GABRB2: variants seen among roughly 807,000 people sequenced by gnomAD.
GABRB2 encodes the protein gamma-aminobutyric acid type A receptor subunit beta2, also known as gamma-aminobutyric acid receptor subunit beta-2.
GABRB2 carries 16 observed loss-of-function variants against 54.7 expected under a neutral mutation model. The observed-to-expected ratio is 0.29, with a 90% CI of 0.20 to 0.44. The LOEUF (loss-of-function observed/expected upper bound fraction) is 0.44, where lower values mean the gene tolerates loss of function less well. GABRB2 is among the 20% of genes least tolerant of loss of function. The pLI, the probability that GABRB2 is intolerant of heterozygous loss-of-function variation, is 1.00. For synonymous variants in GABRB2, 244 were observed against 233.8 expected, an observed-to-expected ratio of 1.04 and a Z score of -0.40; for missense variants, 355 against 644.0, an observed-to-expected ratio of 0.55 and a Z score of 4.86.
intron 3 of GABRB2, among the ~76,000 whole-genome samples, chr5:161,480,963 T>A (rs529620753): frequency 6.6e-6 from 1 of 152,124 alleles, no homozygotes; most frequent in African/African-American, 2.4e-5. Flanking sequence ...GGATTTTAAA[T>A]CAACAGTAAG....
chr5:161,307,644 G>T (rs1757727072), intron 9 of GABRB2, among the ~76,000 whole-genome samples: 1 of 152,034 alleles, frequency 6.6e-6, no homozygotes, highest in Non-Finnish European at 1.5e-5. Context: ...TATTTGTAGG[G>T]ATGTTTTAAG....
intron 4 of GABRB2, among the ~76,000 whole-genome samples, chr5:161,433,765 T>G (rs1418300802): frequency 6.6e-6 from 1 of 152,206 alleles, no homozygotes; most frequent in African/African-American, 2.4e-5. Flanking sequence ...ACATTATTAA[T>G]TTATTTACAG....
At chr5:161,519,237 A>G (rs1760042032) in intron 3 of GABRB2, among the ~76,000 whole-genome samples, 1 of 152,206 alleles carries the variant, frequency 6.6e-6, no homozygotes, top group Non-Finnish European at 1.5e-5. Context: ...GTGAATAGAA[A>G]TTGATCCATG....
intron 3 of GABRB2, among the ~76,000 whole-genome samples, chr5:161,468,565 T>C (rs148500882): frequency 1.2e-3 from 185 of 152,170 alleles, no homozygotes; most frequent in African/African-American, 4.3e-3. Flanking sequence ...CCCTCATTTT[T>C]ATAATGTTCA....
At chr5:161,400,132 G>T (rs1354993081) in intron 5 of GABRB2, among the ~76,000 whole-genome samples, 1 of 152,160 alleles carries the variant, frequency 6.6e-6, no homozygotes, top group Non-Finnish European at 1.5e-5. Context: ...AAGTCAGTCT[G>T]TGTTGCAGTT....
chr5:161,367,524 C>G (rs565916968), intron 5 of GABRB2, among the ~76,000 whole-genome samples: 4 of 152,244 alleles, frequency 2.6e-5, no homozygotes, highest in African/African-American at 9.6e-5. Context: ...AAAGCAGAGA[C>G]TAAGAATTAT....
intron 5 of GABRB2, among the ~76,000 whole-genome samples, chr5:161,396,258 G>C (rs748646625): frequency 1.3e-5 from 2 of 152,168 alleles, no homozygotes; most frequent in African/African-American, 2.4e-5. Context: ...CCAGGGAGGA[G>C]TTAGATCACA....
intron 3 of GABRB2, among the ~76,000 whole-genome samples, chr5:161,514,972 C>T (rs868041549): frequency 2.6e-5 from 4 of 152,234 alleles, no homozygotes; most frequent in South Asian, 2.1e-4. Context: ...AGAACATGCT[C>T]ATTAGGGAGT....
At chr5:161,507,918 G>A (rs1248467475) in intron 3 of GABRB2, among the ~76,000 whole-genome samples, 2 of 151,760 alleles carry the variant, frequency 1.3e-5, no homozygotes, top group East Asian at 3.9e-4. Context: ...AAAATGAAGG[G>A]ACCATTTTGA....
At chr5:161,533,989 A>G (rs537771170) in intron 3 of GABRB2, among the ~76,000 whole-genome samples, 19 of 152,232 alleles carry the variant, frequency 1.2e-4, no homozygotes, top group Non-Finnish European at 2.5e-4. Context: ...GATAATATTT[A>G]TCTTTGATGT....
At chr5:161,515,130 C>A (rs550885728) in intron 3 of GABRB2, among the ~76,000 whole-genome samples, 22 of 152,120 alleles carry the variant, frequency 1.4e-4, no homozygotes, top group African/African-American at 4.3e-4. Context: ...GCAAAATAAA[C>A]CCTGTTTCTA....
intron 3 of GABRB2, among the ~76,000 whole-genome samples, chr5:161,497,430 A>C (rs1759285620): frequency 6.6e-6 from 1 of 152,000 alleles, no homozygotes; most frequent in Admixed American, 6.6e-5. Flanking sequence ...CATAGCTGGA[A>C]ACTAATCTGA....
intron 5 of GABRB2, among the ~76,000 whole-genome samples, chr5:161,361,665 T>C (rs1389943696): frequency 6.6e-6 from 1 of 152,172 alleles, no homozygotes; most frequent in Non-Finnish European, 1.5e-5. Flanking sequence ...GGGATTTAAA[T>C]TCAGGTCCAT....
chr5:161,471,720 C>G (rs1480824065), intron 3 of GABRB2, among the ~76,000 whole-genome samples: 1 of 151,944 alleles, frequency 6.6e-6, no homozygotes, highest in Non-Finnish European at 1.5e-5. Flanking sequence ...TGACCCTTAT[C>G]TTAATATGTA....
intron 5 of GABRB2, among the ~76,000 whole-genome samples, chr5:161,351,579 C>T (rs2113435517): frequency 6.6e-6 from 1 of 152,104 alleles, no homozygotes; most frequent in African/African-American, 2.4e-5. Flanking sequence ...AATGTAAGAC[C>T]TAAAAATGTA....
chr5:161,496,778 T>C (rs1759261578), intron 3 of GABRB2, among the ~76,000 whole-genome samples: 2 of 152,146 alleles, frequency 1.3e-5, no homozygotes, highest in Admixed American at 6.6e-5. Flanking sequence ...TACTGGATAA[T>C]GTGATATTTT....
rs1055521732 is a variant in GABRB2, at chr5:161,289,749, CAG to C, written c.*4330_*4331del. The C allele has an allele frequency of 5.9e-5, 9 of 151,418 alleles. No homozygotes were observed. The highest frequency in any genetic ancestry group is 1.9e-4 in the African/African-American group (8 of 41,134). The allele number at this position is 151,418 out of a possible 1,614,324, so 9.4% of individuals were successfully genotyped here. Reference sequence around the variant, plus strand: ...TAGTAGAGTGTTTCCCATAGACGGGCAGAGAGACAGAGTGGGTGAGCAAAAGA... The same window carrying C: ...TAGTAGAGTGTTTCCCATAGACGGGCAGAGACAGAGTGGGTGAGCAAAAGA... On this transcript the variant is annotated 3_prime_UTR_variant, in exon 10 of 10. Coordinates refer to ENST00000393959, the MANE Select transcript of GABRB2 (RefSeq NM_001371727.1).
chr5:161,364,004 T>A (rs1754903626), intron 5 of GABRB2, among the ~76,000 whole-genome samples: 1 of 152,224 alleles, frequency 6.6e-6, no homozygotes, highest in African/African-American at 2.4e-5. Flanking sequence ...TCACATTTTA[T>A]CCAGGGTGCT....
chr5:161,331,957 A>T (rs1419971887), intron 7 of GABRB2, among the ~76,000 whole-genome samples: 2 of 151,922 alleles, frequency 1.3e-5, no homozygotes, highest in Non-Finnish European at 2.9e-5. Flanking sequence ...CGAGGTCAGG[A>T]GATCGAGACC....
Sources: allele counts gnomAD v4.1 joint callset (sites outside exome capture counted in the v4.1 genomes callset), GRCh38; gene constraint gnomAD v4.1.1; transcripts MANE v1.5; gene names NCBI Gene and HGNC (gene_info 2026-07-23, HGNC 2026-07-21).